Variants in SSBP3 observed in about 807,000 individuals in gnomAD.
The protein encoded by SSBP3 is single-stranded DNA-binding protein 3.
In SSBP3, 5 loss-of-function variants were observed where a neutral mutation model predicts 69.6. That is an observed-to-expected ratio of 0.07 (90% CI 0.04 to 0.15). The LOEUF is 0.15. Among genes scored for constraint, SSBP3 ranks in the 10% least tolerant of loss-of-function variants. The pLI is 1.00. For missense variants in SSBP3, 312 were observed against 534.0 expected (o/e 0.58, Z 4.10); for synonymous variants, 196 against 193.4 (o/e 1.01, Z -0.11).
chr1:54,399,898 C>T (rs187930808), intron 4 of SSBP3, among the ~76,000 whole-genome samples: 2 of 152,298 alleles, frequency 1.3e-5, no homozygotes, highest in African/African-American at 2.4e-5. Flanking sequence ...TTCATCACTC[C>T]ATCCCTCCTC....
At chr1:54,228,020 G>A (rs1644316228) in intron 17 of SSBP3, among the ~76,000 whole-genome samples, 1 of 152,208 alleles carries the variant, frequency 6.6e-6, no homozygotes, top group African/African-American at 2.4e-5. Context: ...AGCTTAATCA[G>A]TGCCAGAGGC....
chr1:54,271,191 G>A (rs1645187299), intron 5 of SSBP3, among the ~76,000 whole-genome samples: 1 of 152,122 alleles, frequency 6.6e-6, no homozygotes, highest in Non-Finnish European at 1.5e-5. Flanking sequence ...GCTCACTGCA[G>A]TATCAATCTC....
chr1:54,398,830 C>T (rs1036838021), intron 4 of SSBP3, among the ~76,000 whole-genome samples: 1 of 152,146 alleles, frequency 6.6e-6, no homozygotes, highest in African/African-American at 2.4e-5. Flanking sequence ...CCCGTTGCCC[C>T]TGTAAGCACT....
chr1:54,302,826 T>C (rs1242630855), intron 4 of SSBP3, among the ~76,000 whole-genome samples: 1 of 152,152 alleles, frequency 6.6e-6, no homozygotes, highest in African/African-American at 2.4e-5. Context: ...GTATGACTTG[T>C]TTGCAGCTGC....
chr1:54,298,348 G>A (rs554694337), intron 4 of SSBP3, among the ~76,000 whole-genome samples: 303 of 152,268 alleles, frequency 2.0e-3, no homozygotes, highest in African/African-American at 6.8e-3. Flanking sequence ...GCACACTGAC[G>A]AGGGGGCAGC....
At chr1:54,379,637 G>A (rs879607476) in intron 4 of SSBP3, among the ~76,000 whole-genome samples, 4 of 152,132 alleles carry the variant, frequency 2.6e-5, no homozygotes, top group Admixed American at 1.3e-4. Flanking sequence ...ACAATGGTGC[G>A]GCCAGGAGGC....
At chr1:54,257,211 A>G (rs955299977) in intron 6 of SSBP3, 25 bp from the exon 7 acceptor site, 11 of 1,584,416 alleles carry the variant, frequency 6.9e-6, no homozygotes, top group Non-Finnish European at 9.4e-6. Context: ...AATTAGTTCA[A>G]TGACAGCCTG....
intron 4 of SSBP3, among the ~76,000 whole-genome samples, chr1:54,301,124 G>T (rs951816275): frequency 6.6e-6 from 1 of 152,156 alleles, no homozygotes; most frequent in Non-Finnish European, 1.5e-5. Context: ...TGGGAAAACT[G>T]GGGCTCAGAG....
chr1:54,341,182 G>A (rs966468457), intron 4 of SSBP3, among the ~76,000 whole-genome samples: 1 of 152,184 alleles, frequency 6.6e-6, no homozygotes, highest in African/African-American at 2.4e-5. Flanking sequence ...CTACTGTTGT[G>A]TGGTCTTGGC....
chr1:54,410,703 T>C (rs1649965967), upstream of SSBP3, among the ~76,000 whole-genome samples: 1 of 152,242 alleles, frequency 6.6e-6, no homozygotes, highest in African/African-American at 2.4e-5. Context: ...TGGCAGACTT[T>C]GGGCAAGTGA....
chr1:54,413,200 C>A (rs1317990875), intron 1 of SSBP3: 1 of 152,210 alleles, frequency 6.6e-6, no homozygotes, highest in Non-Finnish European at 1.5e-5. Context: ...CCCTCTTCCT[C>A]TCGGGCTATT....
chr1:54,353,928 G>A (rs1646822594), intron 4 of SSBP3, among the ~76,000 whole-genome samples: 1 of 152,182 alleles, frequency 6.6e-6, no homozygotes, highest in Non-Finnish European at 1.5e-5. Flanking sequence ...TCATTCTACA[G>A]ATGAGGAGGA....
At chr1:54,346,930 G>A (rs914823737) in intron 4 of SSBP3, among the ~76,000 whole-genome samples, 1 of 152,006 alleles carries the variant, frequency 6.6e-6, no homozygotes, top group Non-Finnish European at 1.5e-5. Context: ...GGATGCTTGA[G>A]TCCTTTACAT....
rs115109112 is a variant in SSBP3 at position 54,314,903 on chromosome 1, C to T, written c.277-33376G>A. Among the ~76,000 whole-genome samples, 860 of 152,246 alleles carry T rather than the reference C, an allele frequency of 5.6e-3. 9 individuals carry two copies. The highest frequency in any genetic ancestry group is 0.02 in the African/African-American group (819 of 41,542). On this transcript the variant is annotated intron_variant, in intron 4 of 17. Coordinates refer to ENST00000610401, the Ensembl canonical transcript of SSBP3. ...ATACTTGTTGATCTGGCCAACCTTC[C>T]TTGATAAGCAGGAAAGGGGGAAGGG...
At chr1:54,274,119 G>A (rs1432976902) in intron 5 of SSBP3, among the ~76,000 whole-genome samples, 1 of 152,200 alleles carries the variant, frequency 6.6e-6, no homozygotes, top group Non-Finnish European at 1.5e-5. Flanking sequence ...CTATCAGACA[G>A]ACTCCCCCCA....
upstream of SSBP3, chr1:54,406,565 C>A (rs1557600958): frequency 6.6e-6 from 1 of 151,928 alleles, no homozygotes; most frequent in Admixed American, 6.6e-5. Flanking sequence ...CGGCCGCCTC[C>A]GCGGAGCCGC....
intron 9 of SSBP3, among the ~76,000 whole-genome samples, chr1:54,246,839 C>G (rs1644742469): frequency 1.3e-5 from 2 of 152,254 alleles, no homozygotes; most frequent in Non-Finnish European, 2.9e-5. Flanking sequence ...GCGAAGTTTT[C>G]TCACATAGGG....
intron 4 of SSBP3, among the ~76,000 whole-genome samples, chr1:54,373,111 C>A (rs1314735545): frequency 2.6e-5 from 4 of 152,190 alleles, no homozygotes; most frequent in African/African-American, 9.6e-5. Context: ...CCTCCTGGCA[C>A]AGACACTCAG....
intron 4 of SSBP3, among the ~76,000 whole-genome samples, chr1:54,305,998 G>T (rs187749153): frequency 1.3e-5 from 2 of 151,632 alleles, no homozygotes; most frequent in East Asian, 1.9e-4. Flanking sequence ...GAGGGTCCAG[G>T]GGAAACACCA....
Sources: allele counts gnomAD v4.1 joint callset (sites outside exome capture counted in the v4.1 genomes callset), GRCh38; gene constraint gnomAD v4.1.1; transcripts MANE v1.5; gene names NCBI Gene and HGNC (gene_info 2026-07-23, HGNC 2026-07-21).